STK32B: variants seen among roughly 807,000 people sequenced by gnomAD.
STK32B encodes the protein serine/threonine kinase 32B.
Under a neutral mutation model 52.6 loss-of-function variants are expected in STK32B, and 43 were observed. The observed-to-expected ratio is 0.82, with a 90% CI of 0.64 to 1.05. STK32B has a LOEUF of 1.05. STK32B is among the 50% of genes least tolerant of loss of function. The pLI is 0.00. For missense variants in STK32B, 621 were observed against 534.6 expected (o/e 1.16, Z -1.59); for synonymous variants, 238 against 204.3 (o/e 1.17, Z -1.41).
intron 6 of STK32B, among the ~76,000 whole-genome samples, chr4:5,419,499 C>G (rs970391095): frequency 6.6e-6 from 1 of 152,202 alleles, no homozygotes; most frequent in Non-Finnish European, 1.5e-5. Flanking sequence ...GCCCCTGATA[C>G]TAGACTGTAC....
intron 3 of STK32B, among the ~76,000 whole-genome samples, chr4:5,307,712 C>G (rs909145879): frequency 6.6e-6 from 1 of 151,992 alleles, no homozygotes; most frequent in African/African-American, 2.4e-5. Context: ...TGTCATATTA[C>G]CAGAATTACC....
intron 1 of STK32B, among the ~76,000 whole-genome samples, chr4:5,062,405 A>G (rs1742249362): frequency 6.6e-6 from 1 of 152,232 alleles, no homozygotes. Context: ...ATCCAACAGA[A>G]GAAATAGAGC....
chr4:5,207,527 T>C (rs2108782197), intron 3 of STK32B, among the ~76,000 whole-genome samples: 1 of 152,176 alleles, frequency 6.6e-6, no homozygotes, highest in South Asian at 2.1e-4. Flanking sequence ...ATTAAGCTTC[T>C]TTTTCTGTAT....
intron 4 of STK32B, among the ~76,000 whole-genome samples, chr4:5,381,155 G>T (rs1735911017): frequency 6.6e-6 from 1 of 152,210 alleles, no homozygotes; most frequent in African/African-American, 2.4e-5. Flanking sequence ...CTGTGAAAAT[G>T]TGATAGAATG....
rs769540227 is a variant in STK32B, at chr4:5,399,322, A to G, written c.472+1078A>G. On this transcript the variant is annotated intron_variant, in intron 5 of 11. Transcript: ENST00000282908. This position sits in a 1 kb window ranked among gnomAD's most constrained non-coding sequence, Gnocchi z 5.4. ...CCCCACCCTCCTTCCCCACCTCTGC[A>G]GGCTGAGGTCATGGTTCTATCTCAG... 6.6e-6 allele frequency among the ~76,000 whole-genome samples: 1 copy of G among 152,120 alleles called. No homozygotes were observed. The highest frequency in any genetic ancestry group is 2.4e-5 in the African/African-American group (1 of 41,386).
chr4:5,224,743 A>T (rs951284044), intron 3 of STK32B, among the ~76,000 whole-genome samples: 1 of 152,188 alleles, frequency 6.6e-6, no homozygotes, highest in Non-Finnish European at 1.5e-5. Context: ...AATTAATAAT[A>T]TTAATGACAA....
chr4:5,190,694 A>G (rs1168885218), intron 3 of STK32B, among the ~76,000 whole-genome samples: 2 of 152,182 alleles, frequency 1.3e-5, no homozygotes, highest in Non-Finnish European at 2.9e-5. Context: ...GCCGGTGTGA[A>G]TAAGGATGCT....
intron 2 of STK32B, among the ~76,000 whole-genome samples, chr4:5,162,955 A>AT (rs1718560443): frequency 6.6e-6 from 1 of 152,178 alleles, no homozygotes; most frequent in East Asian, 1.9e-4. Flanking sequence ...TTGTCATGGG[A>AT]TTTTGAGCAG....
At chr4:5,217,811 CAA>C (rs942671012) in intron 3 of STK32B, among the ~76,000 whole-genome samples, 51 of 152,230 alleles carry the variant, frequency 3.4e-4, no homozygotes, top group African/African-American at 1.2e-3. Context: ...GTGGAAGGAA[CAA>C]AAGTGTCAGC....
intron 8 of STK32B, chr4:5,458,962 T>C (rs1310672372): frequency 6.6e-6 from 1 of 152,354 alleles, no homozygotes; most frequent in African/African-American, 2.4e-5. Flanking sequence ...ATACCACCAA[T>C]GCCTGCACCT....
intron 6 of STK32B, among the ~76,000 whole-genome samples, chr4:5,420,879 C>G (rs867249027): frequency 7.9e-6 from 1 of 126,544 alleles, no homozygotes; most frequent in African/African-American, 3.0e-5. Flanking sequence ...TGGAGAAGTT[C>G]GAGACAGTTT....
At chr4:5,478,774 A>T (rs1718433116) in intron 11 of STK32B, among the ~76,000 whole-genome samples, 1 of 152,142 alleles carries the variant, frequency 6.6e-6, no homozygotes, top group African/African-American at 2.4e-5. Context: ...AGATGAGGGG[A>T]TGGAGAGCCT....
intron 3 of STK32B, among the ~76,000 whole-genome samples, chr4:5,212,369 AC>A (rs1457645714): frequency 6.6e-6 from 1 of 152,160 alleles, no homozygotes; most frequent in Non-Finnish European, 1.5e-5. Context: ...ACCTCTCAAA[AC>A]AAGCAATTTT....
In STK32B at chr4:5,396,464, C is replaced by G. The variant is rs1342149953; in HGVS notation, c.435-1743C>G. On this transcript the variant is annotated intron_variant, in intron 4 of 11. Transcript: ENST00000282908. This position sits in a 1 kb window ranked among gnomAD's most constrained non-coding sequence, Gnocchi z 4.7. ...AAGACTCCATTTCCATATAGGGTCC[C>G]ATTCTGAAGTTCTGGGTGGACATGA... 6.6e-6 allele frequency among the ~76,000 whole-genome samples: 1 copy of G among 152,158 alleles called. No individual in the cohort carries two copies. Among genetic ancestry groups the G allele is most frequent in the Non-Finnish European group, 1.5e-5 (1 of 68,020 alleles).
At chr4:5,356,385 T>C (rs1201275972) in intron 4 of STK32B, among the ~76,000 whole-genome samples, 1 of 152,148 alleles carries the variant, frequency 6.6e-6, no homozygotes, top group African/African-American at 2.4e-5. Context: ...TCAAATACGC[T>C]ATGTCCAAAT....
Position 5,392,993 on chromosome 4 carries a change from T to G in STK32B, c.435-5214T>G, listed in dbSNP as rs537169559. On this transcript the variant is annotated intron_variant, in intron 4 of 11. Transcript: ENST00000282908. The stretch of plus-strand genomic sequence containing the variant: ...AGTAATGTTTAATGAGTAGAGATGA[T>G]GTGTTGTCATTTCTTAATTGTCACT... 5.4e-4 allele frequency among the ~76,000 whole-genome samples: 82 copies of G among 152,196 alleles called. 1 individual carries two copies. The highest frequency in any genetic ancestry group is 1.6e-3 in the Admixed American group (24 of 15,284).
At chr4:5,444,215 C>T (rs1715124772) in intron 6 of STK32B, among the ~76,000 whole-genome samples, 1 of 152,216 alleles carries the variant, frequency 6.6e-6, no homozygotes, top group Non-Finnish European at 1.5e-5. Flanking sequence ...TGCCGCCTTG[C>T]AGTTTGATCT....
In STK32B at chr4:5,469,584, C is replaced by A. The variant is rs1717699777; in HGVS notation, c.1106+1514C>A. Among the ~76,000 whole-genome samples, 1 of 152,182 alleles carries A rather than the reference C, an allele frequency of 6.6e-6. No homozygotes were observed. Among genetic ancestry groups the A allele is most frequent in the Non-Finnish European group, 1.5e-5 (1 of 68,032 alleles). On this transcript the variant is annotated intron_variant, in intron 11 of 11. Coordinates refer to ENST00000282908, the MANE Select transcript of STK32B (RefSeq NM_018401.3). The surrounding 1 kb of genome is among the most constrained non-coding windows in gnomAD (Gnocchi z 4.7). ...ATGGGCCAGTGGGCAGGACAGGGCC[C>A]CAGTCCCAGTCGATGCTGGGGAGGC...
intron 1 of STK32B, among the ~76,000 whole-genome samples, chr4:5,126,023 A>G (rs1715342542): frequency 6.6e-6 from 1 of 151,984 alleles, no homozygotes; most frequent in South Asian, 2.1e-4. Flanking sequence ...TCCTCCCTCC[A>G]CTGAATTGCT....
Sources: allele counts gnomAD v4.1 joint callset (sites outside exome capture counted in the v4.1 genomes callset), GRCh38; gene constraint gnomAD v4.1.1; non-coding constraint Gnocchi (gnomAD v3.1); transcripts MANE v1.5; gene names NCBI Gene and HGNC (gene_info 2026-07-23, HGNC 2026-07-21).